SLC30A8: variants seen among roughly 807,000 people sequenced by gnomAD.
SLC30A8 encodes the protein solute carrier family 30 member 8.
Under a neutral mutation model 36.9 loss-of-function variants are expected in SLC30A8, and 27 were observed. The observed-to-expected ratio is 0.73, with a 90% CI of 0.54 to 1.01. SLC30A8 has a LOEUF of 1.01. Among genes scored for constraint, SLC30A8 ranks in the 50% least tolerant of loss-of-function variants. The pLI is 0.00. For missense variants in SLC30A8, 439 were observed against 452.0 expected, an observed-to-expected ratio of 0.97 and a Z score of 0.26; for synonymous variants, 164 against 172.4, an observed-to-expected ratio of 0.95 and a Z score of 0.38.
chr8:117,111,056 G>A (rs1346891789), intron 2 of SLC30A8, among the ~76,000 whole-genome samples: 2 of 152,214 alleles, frequency 1.3e-5, no homozygotes, highest in East Asian at 3.9e-4. Flanking sequence ...CATTCTCTTA[G>A]GAAAGCTACC....
chr8:117,151,056 T>C lies in SLC30A8; in HGVS notation c.272-1888T>C, dbSNP rs73317634. The stretch of plus-strand genomic sequence containing the variant: ...TTTCCAACCTGCCTTCCCAGGCTCA[T>C]TTCCCATTTTTCCTCCAACATTCCA... On this transcript the variant is annotated intron_variant, in intron 2 of 7. Transcript: ENST00000456015. Among the ~76,000 whole-genome samples, 356 of 152,290 alleles carry C rather than the reference T, an allele frequency of 2.3e-3. 1 individual carries two copies. The highest frequency in any genetic ancestry group is 8.1e-3 in the African/African-American group (336 of 41,552).
rs1823709808 is a variant in SLC30A8 at position 117,176,643 on chromosome 8, A to T, written c.*3962A>T. 6.6e-6 allele frequency: 1 copy of T among 152,520 alleles called. No homozygotes were observed. The highest frequency in any genetic ancestry group is 6.6e-5 in the Admixed American group (1 of 15,240). The allele number at this position is 152,520 out of a possible 1,614,324, so 9.4% of individuals were successfully genotyped here. ...CACACTTAACGTCTGTCATTCTGTT[A>T]CTGGGCACCTGTTTAAATTCTATTT... On this transcript the variant is annotated 3_prime_UTR_variant, in exon 8 of 8. Coordinates refer to ENST00000456015, the MANE Select transcript of SLC30A8 (RefSeq NM_173851.3).
chr8:117,128,108 T>C (rs1370209257), intron 2 of SLC30A8, among the ~76,000 whole-genome samples: 1 of 152,042 alleles, frequency 6.6e-6, no homozygotes, highest in Non-Finnish European at 1.5e-5. Flanking sequence ...AGCAATTACC[T>C]GAGTTATCTC....
At chr8:117,127,624 TA>T (rs532712086) in intron 2 of SLC30A8, among the ~76,000 whole-genome samples, 125 of 152,168 alleles carry the variant, frequency 8.2e-4, no homozygotes, top group African/African-American at 2.8e-3. Context: ...CACAATGTTA[TA>T]AGTTTGTATC....
intron 2 of SLC30A8, among the ~76,000 whole-genome samples, chr8:117,075,589 A>G (rs1818464129): frequency 6.6e-6 from 1 of 152,248 alleles, no homozygotes. Context: ...TCAAGTTCAT[A>G]TGAAAGTTTG....
intron 1 of SLC30A8, among the ~76,000 whole-genome samples, chr8:116,966,218 T>C (rs1814596009): frequency 6.6e-6 from 1 of 152,212 alleles, no homozygotes; most frequent in Non-Finnish European, 1.5e-5. Context: ...GGTATAAAGA[T>C]GGCGAGTGCA....
At chr8:117,029,619 G>C (rs982252453) in intron 1 of SLC30A8, among the ~76,000 whole-genome samples, 5 of 152,080 alleles carry the variant, frequency 3.3e-5, no homozygotes, top group African/African-American at 1.2e-4. Flanking sequence ...GCCTTTCCCT[G>C]GCTCACTGTC....
In SLC30A8 at chr8:117,138,386, A is replaced by G. The variant is rs867726649; in HGVS notation, c.71+2988A>G. Among the ~76,000 whole-genome samples, 6 of 152,198 alleles carry G rather than the reference A, an allele frequency of 3.9e-5. No homozygotes were observed. The South Asian group carries it at 1.2e-3, about 32-fold the overall frequency. On this transcript the variant is annotated intron_variant, in intron 1 of 7. Coordinates refer to ENST00000456015, the MANE Select transcript of SLC30A8 (RefSeq NM_173851.3). ...AAATCTCAGTAAGAAGTGAGCGTCT[A>G]TGGCATTTGAGCCAAGATCTGCTCC...
intron 2 of SLC30A8, among the ~76,000 whole-genome samples, chr8:117,118,057 T>G (rs935629722): frequency 6.6e-6 from 1 of 151,664 alleles, no homozygotes; most frequent in Non-Finnish European, 1.5e-5. Context: ...TTGTTAGAAG[T>G]CACCAAAATT....
chr8:117,141,072 C>T (rs1042718276), intron 1 of SLC30A8, among the ~76,000 whole-genome samples: 17 of 152,140 alleles, frequency 1.1e-4, no homozygotes, highest in African/African-American at 4.1e-4. Flanking sequence ...TCCAGATGTC[C>T]TCACTGGTGA....
intron 3 of SLC30A8, among the ~76,000 whole-genome samples, chr8:117,153,370 A>C (rs1312604495): frequency 6.6e-6 from 1 of 152,204 alleles, no homozygotes; most frequent in East Asian, 1.9e-4. Context: ...ATGGTGACAG[A>C]CATAACGCAA....
chr8:116,951,460 A>G (rs1405155383), intron 1 of SLC30A8, among the ~76,000 whole-genome samples: 1 of 152,098 alleles, frequency 6.6e-6, no homozygotes, highest in Non-Finnish European at 1.5e-5. Flanking sequence ...TCTCTTGGCT[A>G]TGCTCCAAAA....
intron 1 of SLC30A8, among the ~76,000 whole-genome samples, chr8:117,036,842 C>G (rs1340967191): frequency 1.4e-4 from 22 of 152,138 alleles, no homozygotes; most frequent in Admixed American, 1.4e-3. Context: ...CAGTAGCATG[C>G]CCAAGTTTAT....
chr8:117,170,684 C>T (rs912154199), intron 6 of SLC30A8, among the ~76,000 whole-genome samples: 4 of 152,026 alleles, frequency 2.6e-5, no homozygotes, highest in African/African-American at 7.2e-5. Context: ...GATGCTAACC[C>T]ATGATTATTT....
At chr8:117,034,887 G>A (rs2130746109) in intron 1 of SLC30A8, among the ~76,000 whole-genome samples, 1 of 152,168 alleles carries the variant, frequency 6.6e-6, no homozygotes, top group Non-Finnish European at 1.5e-5. Flanking sequence ...CAGACAGAAA[G>A]AGAGAGAGAG....
At chr8:117,155,898 A>T (rs762940998) in intron 3 of SLC30A8, among the ~76,000 whole-genome samples, 1 of 152,108 alleles carries the variant, frequency 6.6e-6, no homozygotes. Flanking sequence ...CCCAATTTGC[A>T]TGTCTATGTC....
At chr8:117,052,486 A>G (rs928811006) in intron 2 of SLC30A8, among the ~76,000 whole-genome samples, 32 of 152,246 alleles carry the variant, frequency 2.1e-4, no homozygotes, top group African/African-American at 7.7e-4. Flanking sequence ...TTTTAGGTAC[A>G]GTTTTAACAC....
At chr8:117,080,082 T>A (rs1344801919) in intron 2 of SLC30A8, among the ~76,000 whole-genome samples, 1 of 152,208 alleles carries the variant, frequency 6.6e-6, no homozygotes, top group Non-Finnish European at 1.5e-5. Flanking sequence ...TTTTCTTTTC[T>A]TTTTGCTTCT....
At chr8:117,148,397 T>C (rs189069206) in intron 2 of SLC30A8, among the ~76,000 whole-genome samples, 12 of 152,188 alleles carry the variant, frequency 7.9e-5, no homozygotes, top group African/African-American at 2.2e-4. Context: ...AATAGCAGGG[T>C]CTGTTTCTAA....
Sources: gnomAD v4.1 joint callset for allele counts (sites outside exome capture counted in the v4.1 genomes callset) on GRCh38, gnomAD v4.1.1 for gene constraint, MANE v1.5 for transcripts, NCBI Gene and HGNC (gene_info 2026-07-23, HGNC 2026-07-21) for gene names.